OR9Q1: variants seen among roughly 807,000 people sequenced by gnomAD.
The protein encoded by OR9Q1 is olfactory receptor family 9 subfamily Q member 1.
For synonymous variants in OR9Q1, 153 were observed against 148.6 expected (o/e 1.03, Z -0.22); for missense variants, 374 against 378.8 (o/e 0.99, Z 0.11).
At chr11:58,024,635 C>G (rs1590538481) in intron 1 of OR9Q1, among the ~76,000 whole-genome samples, 3 of 152,312 alleles carry the variant, frequency 2.0e-5, no homozygotes, top group East Asian at 3.9e-4. Flanking sequence ...AGTTCCTGTG[C>G]GGCCTTTCTC....
At position 58,111,231 on chromosome 11, in the gene OR9Q1, A is replaced by C. The variant is rs541262831; in HGVS notation, c.-15+55284A>C. ...GCTCCCACCTCCTTTAGCCTAATGGAGGTGGGTCTAATGGAAACTGAGAAT... is the reference window on the plus strand; with the variant it reads ...GCTCCCACCTCCTTTAGCCTAATGGCGGTGGGTCTAATGGAAACTGAGAAT... On this transcript the variant is annotated intron_variant, in intron 2 of 2. Transcript: ENST00000335397. Among the ~76,000 whole-genome samples the C allele has an allele frequency of 6.8e-4, 103 of 152,222 alleles. 1 individual carries two copies. Among genetic ancestry groups the C allele is most frequent in the African/African-American group, 2.4e-3 (100 of 41,550 alleles).
intron 2 of OR9Q1, among the ~76,000 whole-genome samples, chr11:58,136,907 C>T (rs1447165): frequency 0.39 from 58,931 of 152,004 alleles, 12,504 homozygotes; most frequent in East Asian, 0.67. Flanking sequence ...GTAGCACAGA[C>T]CTGGAGACCT....
chr11:58,081,804 T>TC (rs1370368194), intron 2 of OR9Q1, among the ~76,000 whole-genome samples: 1 of 151,024 alleles, frequency 6.6e-6, no homozygotes, highest in African/African-American at 2.4e-5. Flanking sequence ...TTTTTTTTTT[T>TC]TTTTTTTACT....
intron 2 of OR9Q1, among the ~76,000 whole-genome samples, chr11:58,067,074 C>G (rs892958582): frequency 6.6e-5 from 10 of 151,282 alleles, no homozygotes; most frequent in Non-Finnish European, 1.3e-4. Flanking sequence ...TTCTGTCGCC[C>G]AGGCTGGAGT....
intron 2 of OR9Q1, among the ~76,000 whole-genome samples, chr11:58,132,886 C>T (rs1854155278): frequency 6.6e-6 from 1 of 152,182 alleles, no homozygotes; most frequent in Non-Finnish European, 1.5e-5. Context: ...AATCCCTTTG[C>T]TCCAGTCTTC....
chr11:58,108,458 G>A (rs758479247), intron 2 of OR9Q1, among the ~76,000 whole-genome samples: 2 of 152,142 alleles, frequency 1.3e-5, no homozygotes, highest in Non-Finnish European at 2.9e-5. Context: ...TGATGCCAGA[G>A]AGTAGCCCTA....
At chr11:58,142,742 T>A (rs2119872551) in intron 2 of OR9Q1, among the ~76,000 whole-genome samples, 1 of 152,304 alleles carries the variant, frequency 6.6e-6, no homozygotes, top group South Asian at 2.1e-4. Context: ...GAGATAGTAT[T>A]TTCCCAATAC....
chr11:58,024,825 G>A (rs947657922), intron 1 of OR9Q1, among the ~76,000 whole-genome samples: 13 of 152,194 alleles, frequency 8.5e-5, no homozygotes, highest in Non-Finnish European at 1.6e-4. Context: ...CTCCAGCCTT[G>A]GCGGGGCTCC....
chr11:58,124,845 A>G (rs1462783743), intron 2 of OR9Q1, among the ~76,000 whole-genome samples: 3 of 152,186 alleles, frequency 2.0e-5, no homozygotes, highest in Non-Finnish European at 4.4e-5. Context: ...TTTATCGAAC[A>G]TCTTCTCTGC....
intron 2 of OR9Q1, among the ~76,000 whole-genome samples, chr11:58,082,233 A>G (rs1565071064): frequency 6.6e-6 from 1 of 152,184 alleles, no homozygotes; most frequent in Non-Finnish European, 1.5e-5. Context: ...AACTAGAAAT[A>G]GCATTTGACC....
At chr11:58,100,080 T>A (rs1853769369) in intron 2 of OR9Q1, among the ~76,000 whole-genome samples, 1 of 152,122 alleles carries the variant, frequency 6.6e-6, no homozygotes, top group Non-Finnish European at 1.5e-5. Flanking sequence ...GTTGGCTGGC[T>A]CTCCCACGCC....
chr11:58,120,168 A>G (rs111926666), intron 2 of OR9Q1, among the ~76,000 whole-genome samples: 277 of 152,232 alleles, frequency 1.8e-3, no homozygotes, highest in Non-Finnish European at 3.3e-3. Flanking sequence ...ATTGCATTTT[A>G]TATTTTTTAG....
At chr11:58,106,217 G>C (rs1853838977) in intron 2 of OR9Q1, among the ~76,000 whole-genome samples, 1 of 149,832 alleles carries the variant, frequency 6.7e-6, no homozygotes, top group African/African-American at 2.5e-5. Flanking sequence ...TCTCATTGTA[G>C]TTTTGATTTG....
At chr11:58,125,839 C>T (rs58970647) in intron 2 of OR9Q1, among the ~76,000 whole-genome samples, 4,630 of 152,230 alleles carry the variant, frequency 0.03, 225 homozygotes, top group African/African-American at 0.1. Flanking sequence ...GCAGACTCTG[C>T]TGGGAATGAA....
chr11:58,155,004 T>C (rs2119906301), intron 2 of OR9Q1, among the ~76,000 whole-genome samples: 1 of 152,322 alleles, frequency 6.6e-6, no homozygotes, highest in African/African-American at 2.4e-5. Flanking sequence ...ATATACAGCA[T>C]TTATATTTCT....
chr11:58,143,112 G>A (rs1854266567), intron 2 of OR9Q1, among the ~76,000 whole-genome samples: 1 of 152,180 alleles, frequency 6.6e-6, no homozygotes. Flanking sequence ...CCAGGTGGCT[G>A]TGGACTTAAG....
At chr11:58,067,959 G>A (rs964783390) in intron 2 of OR9Q1, among the ~76,000 whole-genome samples, 1 of 152,152 alleles carries the variant, frequency 6.6e-6, no homozygotes, top group African/African-American at 2.4e-5. Flanking sequence ...CTATGGGGGA[G>A]GGTAGGAGGA....
intron 2 of OR9Q1, among the ~76,000 whole-genome samples, chr11:58,161,821 C>T (rs558311127): frequency 2.0e-4 from 30 of 152,290 alleles, no homozygotes; most frequent in Admixed American, 7.8e-4. Flanking sequence ...CGTGAGCCAC[C>T]GCACCCGGCC....
intron 2 of OR9Q1, among the ~76,000 whole-genome samples, chr11:58,143,288 G>T (rs578213076): frequency 5.7e-4 from 87 of 152,272 alleles, no homozygotes; most frequent in African/African-American, 2.0e-3. Flanking sequence ...AACCAAGAAG[G>T]AGGCTGAAAT....
Sources: gnomAD v4.1 joint callset for allele counts (sites outside exome capture counted in the v4.1 genomes callset) on GRCh38, gnomAD v4.1.1 for gene constraint, MANE v1.5 for transcripts, NCBI Gene and HGNC (gene_info 2026-07-23, HGNC 2026-07-21) for gene names.